Variants in MTOR observed in about 807,000 individuals in gnomAD.
MTOR encodes mechanistic target of rapamycin kinase.
In MTOR, 70 loss-of-function variants were observed where a neutral mutation model predicts 319.8. That is an observed-to-expected ratio of 0.22 (90% CI 0.18 to 0.27). The LOEUF (loss-of-function observed/expected upper bound fraction) is 0.27. Among genes scored for constraint, MTOR ranks in the 10% least tolerant of loss-of-function variants. The pLI, the probability that MTOR is intolerant of heterozygous loss-of-function variation, is 1.00. For synonymous variants in MTOR, 1,183 were observed against 1,211.4 expected, an observed-to-expected ratio of 0.98 and a Z score of 0.49; for missense variants, 1,890 against 3,274.4, an observed-to-expected ratio of 0.58 and a Z score of 10.32.
chr1:11,238,920 G>A (rs1455311899), intron 11 of MTOR, among the ~76,000 whole-genome samples: 1 of 143,176 alleles, frequency 7.0e-6, no homozygotes, highest in Non-Finnish European at 1.5e-5. Flanking sequence ...CTACCACCAC[G>A]CCTGGCTAAT....
intron 4 of MTOR, among the ~76,000 whole-genome samples, chr1:11,256,463 CA>C (rs1157906271): frequency 6.6e-6 from 1 of 152,180 alleles, no homozygotes; most frequent in Non-Finnish European, 1.5e-5. Flanking sequence ...TTTTCTTTAC[CA>C]CTATACTAAC....
intron 6 of MTOR, among the ~76,000 whole-genome samples, chr1:11,252,993 C>T (rs886961465): frequency 3.9e-5 from 6 of 152,200 alleles, no homozygotes; most frequent in African/African-American, 1.4e-4. Flanking sequence ...CCATTGCTCC[C>T]AGCCAATGAC....
At chr1:11,190,089 C>T (rs1645469960) in intron 28 of MTOR, 2 of 1,065,368 alleles carry the variant, frequency 1.9e-6, no homozygotes, top group Non-Finnish European at 1.3e-6. Context: ...AAGGCTTATG[C>T]AGTATTTCCT....
In MTOR at chr1:11,238,424, G is replaced by T; in HGVS notation, c.1980C>A (p.Leu660=). 1 of 1,614,018 alleles carries T rather than the reference G, an allele frequency of 6.2e-7. No individual in the cohort carries two copies. Among genetic ancestry groups the T allele is most frequent in the Non-Finnish European group, 8.5e-7 (1 of 1,180,032 alleles). The change falls in exon 12 of 58, where the codon CTC becomes CTA. Residue 660 remains leucine (L), a synonymous_variant. Coordinates refer to ENST00000361445, the MANE Select transcript of MTOR (RefSeq NM_004958.4). ...TACCAGGATCTGTTATCCCAACTAC[G>T]AGCAGTTTGCTAAGCACATCTGCCA... ...QVVADVLSKL[L]VVGITDPDPD...
rs1645903907 is a variant in MTOR, at chr1:11,199,884, C to A, written c.3945-181G>T. On this transcript the variant is annotated intron_variant, in intron 26 of 57. Coordinates refer to ENST00000361445, the MANE Select transcript of MTOR (RefSeq NM_004958.4). This position sits in a 1 kb window ranked among gnomAD's most constrained non-coding sequence, Gnocchi z 4.5. ...ATATGGTAGCCAGTGATCACTAAAGCACTTGAACTGTGGCAAGTGTGGCCA... is the reference window on the plus strand; with the variant it reads ...ATATGGTAGCCAGTGATCACTAAAGAACTTGAACTGTGGCAAGTGTGGCCA... 6.6e-6 allele frequency among the ~76,000 whole-genome samples: 1 copy of A among 152,216 alleles called. No individual in the cohort carries two copies. The highest frequency in any genetic ancestry group is 3.2e-3 in the Middle Eastern group (1 of 316).
intron 12 of MTOR, 74 bp from the exon 13 acceptor site, chr1:11,238,122 A>G: frequency 7.1e-7 from 1 of 1,415,556 alleles, no homozygotes; most frequent in East Asian, 2.3e-5. Context: ...TTCTACCTCC[A>G]CTGCCATCAG....
At chr1:11,206,283 AC>A (rs1278214649) in intron 25 of MTOR, among the ~76,000 whole-genome samples, 2 of 152,236 alleles carry the variant, frequency 1.3e-5, no homozygotes, top group Non-Finnish European at 2.9e-5. Context: ...GGGAAGTATT[AC>A]TAGTTTCTTT....
chr1:11,204,580 C>T lies in MTOR; in HGVS notation c.3925G>A (p.Ala1309Thr), dbSNP rs1646079828. The change falls in exon 26 of 58, where the codon GCC (alanine) becomes ACC (threonine). Residue 1309 changes from alanine (A) to threonine (T), a missense_variant. Coordinates refer to ENST00000361445, the MANE Select transcript of MTOR (RefSeq NM_004958.4). ...SLRSCWALAQ[A>T]YNPMARDLFN... ...CTATACCTGGCCATCGGGTTGTAGG[C>T]CTGTGCCAGGGCCCAGCAGGAGCGC... 5 of 1,614,166 alleles carry T rather than the reference C, an allele frequency of 3.1e-6. No individual in the cohort carries two copies. Among genetic ancestry groups the T allele is most frequent in the South Asian group, 1.1e-5 (1 of 91,086 alleles).
chr1:11,170,966 G>A (rs955950757), intron 28 of MTOR, among the ~76,000 whole-genome samples: 17 of 151,824 alleles, frequency 1.1e-4, no homozygotes, highest in Non-Finnish European at 2.2e-4. Flanking sequence ...TGAGGCCGAG[G>A]TGGGTGGATC....
intron 28 of MTOR, among the ~76,000 whole-genome samples, chr1:11,182,677 G>C (rs1340818264): frequency 1.3e-5 from 2 of 152,090 alleles, no homozygotes; most frequent in Middle Eastern, 3.2e-3. Flanking sequence ...TGTCCCCAGA[G>C]GTCTGTAAAC....
chr1:11,193,176 G>A (rs528480293), intron 28 of MTOR, among the ~76,000 whole-genome samples: 3 of 151,886 alleles, frequency 2.0e-5, no homozygotes, highest in Admixed American at 6.6e-5. Context: ...AATTAGCCCA[G>A]TGTGGTGACA....
rs536803257 is a variant in MTOR at position 11,251,956 on chromosome 1, G to A, written c.840+1883C>T. On this transcript the variant is annotated intron_variant, in intron 6 of 57. Transcript: ENST00000361445. Reference sequence around the variant, plus strand: ...GGAAAACATTATGTTAAACTCAGGAGGTAAAATCTGAAGGTTACCATTTAT... The same window carrying A: ...GGAAAACATTATGTTAAACTCAGGAAGTAAAATCTGAAGGTTACCATTTAT... Among the ~76,000 whole-genome samples, 5 of 152,160 alleles carry A rather than the reference G, an allele frequency of 3.3e-5. No individual in the cohort carries two copies. The East Asian group carries it at 9.6e-4, about 29-fold the overall frequency.
chr1:11,143,109 T>C (rs1353132376), intron 34 of MTOR, among the ~76,000 whole-genome samples: 1 of 152,162 alleles, frequency 6.6e-6, no homozygotes, highest in Non-Finnish European at 1.5e-5. Flanking sequence ...AAAGTTAAAA[T>C]AACAGAAAAA....
rs1038995078 is a variant in MTOR at position 11,130,513 on chromosome 1, A to C, written c.5613+16T>G. 10 of 1,605,836 alleles carry C rather than the reference A, an allele frequency of 6.2e-6. No individual in the cohort carries two copies. The highest frequency in any genetic ancestry group is 8.5e-6 in the Non-Finnish European group (10 of 1,175,226). ...GCACCTTGGTTGGTTGTTAATAAGG[A>C]AGAAGGGAAGGGTACCTCAGTGACC... On this transcript the variant is annotated intron_variant, in intron 39 of 57. Coordinates refer to ENST00000361445, the MANE Select transcript of MTOR (RefSeq NM_004958.4).
chr1:11,236,892 G>C (rs1355510665), intron 13 of MTOR, among the ~76,000 whole-genome samples: 4 of 152,094 alleles, frequency 2.6e-5, no homozygotes, highest in Non-Finnish European at 5.9e-5. Flanking sequence ...ACGCAGGCCG[G>C]CAGTTAAATA....
At chr1:11,253,164 G>T (rs1266591176) in intron 6 of MTOR, among the ~76,000 whole-genome samples, 1 of 152,152 alleles carries the variant, frequency 6.6e-6, no homozygotes, top group African/African-American at 2.4e-5. Flanking sequence ...GATGTGCATT[G>T]TGGTCCGATG....
chr1:11,130,444 G>A (rs2100427915), intron 39 of MTOR, 85 bp downstream of exon 39: 1 of 1,552,556 alleles, frequency 6.4e-7, no homozygotes, highest in Non-Finnish European at 8.7e-7. Context: ...ACAGCCTCAG[G>A]TTCCTTTTAA....
chr1:11,242,971 G>A (rs1648281388), intron 9 of MTOR, 143 bp downstream of exon 9: 2 of 763,482 alleles, frequency 2.6e-6, no homozygotes, highest in Admixed American at 3.0e-5. Flanking sequence ...TTCAACTAAG[G>A]AAGGGCTGTT....
intron 28 of MTOR, chr1:11,189,769 A>G (rs1645453507): frequency 6.2e-7 from 1 of 1,614,198 alleles, no homozygotes; most frequent in East Asian, 2.2e-5. Context: ...CAGCCTGCTG[A>G]GTGAACTGAA....
Sources: allele counts gnomAD v4.1 joint callset (sites outside exome capture counted in the v4.1 genomes callset), GRCh38; gene constraint gnomAD v4.1.1; non-coding constraint Gnocchi (gnomAD v3.1); transcripts MANE v1.5; gene names NCBI Gene and HGNC (gene_info 2026-07-23, HGNC 2026-07-21).